DCC: variants seen among roughly 807,000 people sequenced by gnomAD.
DCC encodes the protein netrin receptor DCC.
Under a neutral mutation model 172.5 loss-of-function variants are expected in DCC, and 58 were observed. That is an observed-to-expected ratio of 0.34 (90% CI 0.27 to 0.42). The LOEUF (loss-of-function observed/expected upper bound fraction) is 0.42. Ranked by LOEUF, DCC falls within the 10% of genes least tolerant of loss-of-function variation. The pLI is 1.00. For synonymous variants in DCC, 709 were observed against 644.5 expected (o/e 1.10, Z -1.52); for missense variants, 1,740 against 1,791.0 (o/e 0.97, Z 0.51).
chr18:52,497,275 AAAAAAATATAT>A lies in DCC; in HGVS notation c.91+156399_91+156409del, dbSNP rs1438742238. On this transcript the variant is annotated intron_variant, in intron 1 of 28. Transcript: ENST00000442544. ...GACCCTGTATCAAAAAAAAAAAAAA[AAAAAAATATAT>A]ATATATATATATATATATATATATA... Among the ~76,000 whole-genome samples, 72 of 44,268 alleles carry A rather than the reference AAAAAAATATAT, an allele frequency of 1.6e-3. 10 individuals are homozygous for A. Among genetic ancestry groups the A allele is most frequent in the African/African-American group, 6.0e-3 (59 of 9,800 alleles). The allele number at this position is 44,268 out of a possible 152,430, so 29.0% of individuals were successfully genotyped here.
chr18:53,036,742 G>A (rs1016486838), intron 5 of DCC, among the ~76,000 whole-genome samples: 3 of 151,996 alleles, frequency 2.0e-5, no homozygotes, highest in Non-Finnish European at 4.4e-5. Flanking sequence ...CGTGGAGAAG[G>A]CAAATGAGAA....
intron 13 of DCC, 54 bp from the exon 14 acceptor site, chr18:53,321,993 G>A (rs1405580488): frequency 8.4e-6 from 8 of 947,202 alleles, no homozygotes; most frequent in Non-Finnish European, 1.4e-5. Flanking sequence ...AACCCAGGTA[G>A]GAATACTTGG....
At chr18:52,850,654 T>G (rs922219199) in intron 2 of DCC, among the ~76,000 whole-genome samples, 2 of 152,104 alleles carry the variant, frequency 1.3e-5, no homozygotes, top group Non-Finnish European at 2.9e-5. Context: ...GAACACCTAT[T>G]CTACTTGTCC....
At chr18:52,496,768 G>C (rs1172153930) in intron 1 of DCC, among the ~76,000 whole-genome samples, 1 of 152,036 alleles carries the variant, frequency 6.6e-6, no homozygotes, top group African/African-American at 2.4e-5. Flanking sequence ...TTGGGGCTTT[G>C]ACAGGCAATA....
intron 5 of DCC, among the ~76,000 whole-genome samples, chr18:52,998,260 T>C (rs1442379293): frequency 6.6e-6 from 1 of 152,030 alleles, no homozygotes; most frequent in East Asian, 1.9e-4. Context: ...GTGAGATCCA[T>C]ACAGAAGACT....
At chr18:52,811,878 A>C (rs148105014) in intron 2 of DCC, among the ~76,000 whole-genome samples, 30 of 152,304 alleles carry the variant, frequency 2.0e-4, no homozygotes, top group African/African-American at 7.0e-4. Context: ...GGAAAGAATG[A>C]AATCCAGCCC....
At chr18:52,894,902 T>G (rs1016290701) in intron 2 of DCC, among the ~76,000 whole-genome samples, 2 of 152,200 alleles carry the variant, frequency 1.3e-5, no homozygotes, top group African/African-American at 2.4e-5. Context: ...AGAAACACCC[T>G]TATAGACACA....
intron 1 of DCC, among the ~76,000 whole-genome samples, chr18:52,371,536 C>T (rs896663716): frequency 2.0e-5 from 3 of 152,142 alleles, no homozygotes; most frequent in African/African-American, 7.2e-5. Context: ...TAGTTGTTAA[C>T]TCTTTTAATT....
chr18:53,017,360 C>G (rs1044037332), intron 5 of DCC, among the ~76,000 whole-genome samples: 14 of 152,134 alleles, frequency 9.2e-5, no homozygotes, highest in African/African-American at 3.4e-4. Context: ...ACTAGTCATT[C>G]TAAAGGAACA....
intron 2 of DCC, among the ~76,000 whole-genome samples, chr18:52,891,225 C>T (rs530268566): frequency 3.2e-4 from 48 of 152,110 alleles, no homozygotes; most frequent in African/African-American, 1.1e-3. Flanking sequence ...CTATTAAGAA[C>T]CCTGATGATA....
intron 1 of DCC, among the ~76,000 whole-genome samples, chr18:52,672,102 C>CAAAAAA (rs1331666702): frequency 1.3e-5 from 2 of 151,852 alleles, no homozygotes; most frequent in Admixed American, 1.3e-4. Flanking sequence ...CCTCTATGTA[C>CAAAAAA]AAAAACAAAA....
At chr18:52,423,380 A>G (rs1166508840) in intron 1 of DCC, among the ~76,000 whole-genome samples, 1 of 152,098 alleles carries the variant, frequency 6.6e-6, no homozygotes, top group Admixed American at 6.6e-5. Context: ...ATGGGAAGGA[A>G]TTCTGACTGG....
At chr18:53,174,593 C>A (rs2144458270) in intron 8 of DCC, among the ~76,000 whole-genome samples, 1 of 151,182 alleles carries the variant, frequency 6.6e-6, no homozygotes, top group Non-Finnish European at 1.5e-5. Flanking sequence ...GGATAAATTC[C>A]TTGACACATA....
At position 52,343,931 on chromosome 18, in the gene DCC, G is replaced by T. The variant is rs139776160; in HGVS notation, c.91+3053G>T. On this transcript the variant is annotated intron_variant, in intron 1 of 28. Coordinates refer to ENST00000442544, the MANE Select transcript of DCC (RefSeq NM_005215.4). ...GGCAGTCCACTCCTCTGTGAGTGCC[G>T]CAGTATAAATCACCAGTACCTGTCA... Among the ~76,000 whole-genome samples the T allele has an allele frequency of 1.7e-3, 123 of 72,250 alleles. 1 individual carries two copies. The highest frequency in any genetic ancestry group is 6.7e-3 in the African/African-American group (115 of 17,138). 47.4% of individuals were successfully genotyped at this position (72,250 alleles called of 152,430 possible). A position where few individuals can be genotyped will look rare whatever the true frequency, so the allele number is the denominator to read the frequency against.
At chr18:53,409,891 A>G (rs1196017004) in intron 19 of DCC, among the ~76,000 whole-genome samples, 1 of 152,124 alleles carries the variant, frequency 6.6e-6, no homozygotes, top group Non-Finnish European at 1.5e-5. Context: ...TATTGCCCAG[A>G]CCTTTTACCA....
At chr18:53,355,292 G>T (rs1281875158) in intron 15 of DCC, among the ~76,000 whole-genome samples, 7 of 17,732 alleles carry the variant, frequency 3.9e-4, no homozygotes, top group Admixed American at 9.6e-4. Flanking sequence ...CTTAAAGTAG[G>T]TTTTTCCAAT....
chr18:53,297,451 A>G (rs1488825967), intron 12 of DCC, among the ~76,000 whole-genome samples: 1 of 152,218 alleles, frequency 6.6e-6, no homozygotes, highest in Non-Finnish European at 1.5e-5. Context: ...TTCGGATAGA[A>G]CACTGCAAGT....
chr18:53,184,109 C>T (rs1164793126), intron 9 of DCC, among the ~76,000 whole-genome samples: 2 of 151,662 alleles, frequency 1.3e-5, no homozygotes, highest in Non-Finnish European at 2.9e-5. Flanking sequence ...AGGGTAATCA[C>T]TTGGGTAAAT....
chr18:52,748,583 C>G (rs74537666), intron 1 of DCC, among the ~76,000 whole-genome samples: 2 of 152,338 alleles, frequency 1.3e-5, no homozygotes, highest in African/African-American at 4.8e-5. Flanking sequence ...GGCCCCACTG[C>G]AGCTTCTTGT....
Sources: allele counts gnomAD v4.1 joint callset (sites outside exome capture counted in the v4.1 genomes callset), GRCh38; gene constraint gnomAD v4.1.1; transcripts MANE v1.5; gene names NCBI Gene and HGNC (gene_info 2026-07-23, HGNC 2026-07-21).